Variants in PNPLA7 observed in about 807,000 individuals in gnomAD.
PNPLA7 encodes patatin like domain 7, lysophospholipase.
A neutral mutation model predicts 161.7 loss-of-function variants in PNPLA7; 153 were observed. That is an observed-to-expected ratio of 0.95 (90% CI 0.83 to 1.08). PNPLA7 has a LOEUF of 1.08. PNPLA7 is among the 50% of genes least tolerant of loss of function. The probability of loss-of-function intolerance (pLI) is 0.00; values close to 1 mark genes in which losing one functional copy is unlikely to be tolerated. For missense variants in PNPLA7, 1,739 were observed against 1,856.6 expected (o/e 0.94, Z 1.16); for synonymous variants, 809 against 782.1 (o/e 1.03, Z -0.57).
intron 4 of PNPLA7, among the ~76,000 whole-genome samples, chr9:137,545,584 T>C (rs1321046857): frequency 5.3e-5 from 8 of 152,232 alleles, no homozygotes; most frequent in African/African-American, 1.9e-4. Context: ...AAAATAAGAA[T>C]AGTTATACTA....
chr9:137,478,958 G>A, intron 24 of PNPLA7, 98 bp downstream of exon 24: 2 of 1,387,994 alleles, frequency 1.4e-6, no homozygotes, highest in South Asian at 3.0e-5. Flanking sequence ...AGGAGCGCAG[G>A]TGTCAGGGAA....
In PNPLA7 at chr9:137,480,467, G is replaced by A. The variant is rs111363287; in HGVS notation, c.2425C>T (p.Arg809Trp). ...SAALDSVHEY[R>W]LSSWLGQQED... ...TGCTGCCCCAGCCAGCTGGACAGCCGGTACTCGTGAACACTGCAGCACGCA... is the reference window on the plus strand; with the variant it reads ...TGCTGCCCCAGCCAGCTGGACAGCCAGTACTCGTGAACACTGCAGCACGCA... Residue 809 changes from arginine (R) to tryptophan (W), a missense_variant, in exon 23 of 35, where the codon CGG becomes TGG. This residue lies in a region of PNPLA7 where 192 missense variants were observed against 249.5 expected (regional missense o/e 0.77). Coordinates refer to ENST00000406427, the MANE Select transcript of PNPLA7 (RefSeq NM_001098537.3). 49 of 1,611,400 alleles carry A rather than the reference G, an allele frequency of 3.0e-5. No homozygotes were observed. The highest frequency in any genetic ancestry group is 2.8e-4 in the South Asian group (25 of 90,894).
intron 11 of PNPLA7, among the ~76,000 whole-genome samples, chr9:137,518,656 C>G (rs1163325000): frequency 4.0e-5 from 3 of 75,942 alleles, no homozygotes; most frequent in African/African-American, 1.6e-4. Context: ...CCCCCACTCA[C>G]TCATTCCACT....
chr9:137,504,746 C>T (rs752329157), intron 14 of PNPLA7, among the ~76,000 whole-genome samples: 15 of 152,212 alleles, frequency 9.9e-5, no homozygotes, highest in South Asian at 6.2e-4. Context: ...GAACTTATAA[C>T]GTGTTGGAGA....
intron 10 of PNPLA7, among the ~76,000 whole-genome samples, chr9:137,521,005 G>C (rs574108296): frequency 7.2e-4 from 109 of 151,980 alleles, no homozygotes; most frequent in Middle Eastern, 3.4e-3. Context: ...GCTGGATTCG[G>C]CTGTAGGGAC....
At position 137,522,273 on chromosome 9, in the gene PNPLA7, A is replaced by G. The variant is rs111692970; in HGVS notation, c.876+456T>C. 2.7e-3 allele frequency among the ~76,000 whole-genome samples: 413 copies of G among 151,140 alleles called. 3 individuals carry two copies. Among genetic ancestry groups the G allele is most frequent in the South Asian group, 4.4e-3 (21 of 4,814 alleles). ...GTATTTTTAGCAGAGACGGGGTTTC[A>G]CCGTGTGAGCCAGGATGGTCTCGAT... On this transcript the variant is annotated intron_variant, in intron 9 of 34. Coordinates refer to ENST00000406427, the MANE Select transcript of PNPLA7 (RefSeq NM_001098537.3).
At position 137,486,462 on chromosome 9, in the gene PNPLA7, T is replaced by A. The variant is rs1832489665; in HGVS notation, c.2198-1726A>T. Among the ~76,000 whole-genome samples, 1 of 152,030 alleles carries A rather than the reference T, an allele frequency of 6.6e-6. No homozygotes were observed. Among genetic ancestry groups the A allele is most frequent in the Admixed American group, 6.6e-5 (1 of 15,262 alleles). Reference sequence around the variant, plus strand: ...CTGCAGAGTGGTTTATAAATGTGATTCCATTATTAAATAAATACTCAAGGC... The same window carrying A: ...CTGCAGAGTGGTTTATAAATGTGATACCATTATTAAATAAATACTCAAGGC... On this transcript the variant is annotated intron_variant, in intron 20 of 34. Transcript: ENST00000406427. The surrounding 1 kb of genome is among the most constrained non-coding windows in gnomAD (Gnocchi z 6.0).
rs61747296 is a variant in PNPLA7 at position 137,497,238 on chromosome 9, A to T, written c.1962T>A (p.Asp654Glu). 1 of 1,592,714 alleles carries T rather than the reference A, an allele frequency of 6.3e-7. No homozygotes were observed. The highest frequency in any genetic ancestry group is 1.3e-5 in the African/African-American group (1 of 74,098). Residue 654 changes from aspartate (D) to glutamate (E), a missense_variant, in exon 18 of 35, where the codon GAT becomes GAA. By Grantham distance (45) the Asp-to-Glu change is conservative. Coordinates refer to ENST00000406427, the MANE Select transcript of PNPLA7 (RefSeq NM_001098537.3). ...ACTCCCCGGCCAGGCGCTTCTTCCC[A>T]TCATCCTTCCGGATCACAGAGCGCA... ...GRLRSVIRKD[D>E]GKKRLAGEYG...
In PNPLA7 at chr9:137,461,414, G is replaced by A. The variant is rs545646458; in HGVS notation, c.3841+122C>T. The A allele has an allele frequency of 5.5e-6, 6 of 1,093,718 alleles. No homozygotes were observed. The East Asian group carries it at 1.6e-4, about 29-fold the overall frequency. 67.8% of individuals were successfully genotyped at this position (1,093,718 alleles called of 1,614,324 possible). A position where few individuals can be genotyped will look rare whatever the true frequency, so the allele number is the denominator to read the frequency against. On this transcript the variant is annotated intron_variant, in intron 33 of 34. Coordinates refer to ENST00000406427, the MANE Select transcript of PNPLA7 (RefSeq NM_001098537.3). ...GCCACCAAGCACCCCAGCTGCTGGA[G>A]CCTGGGCGTGGACGTGGGCGGGAGG... is the stretch of plus-strand genomic sequence containing the variant.
In PNPLA7 at chr9:137,540,680, T is replaced by C; in HGVS notation, c.709A>G (p.Ser237Gly). ...AGGATGCTGAGCAGGCTGTGGACGCTGTCTCCCGCCAGAACCTCTTTCACC... is the reference window on the plus strand; with the variant it reads ...AGGATGCTGAGCAGGCTGTGGACGCCGTCTCCCGCCAGAACCTCTTTCACC... ...VVVKEVLAGD[S>G]VHSLLSILDI... The change falls in exon 8 of 35, where the codon AGC (serine) becomes GGC (glycine). Residue 237 changes from serine to glycine, a missense_variant. Transcript: ENST00000406427. The surrounding 1 kb of genome is among the most constrained non-coding windows in gnomAD (Gnocchi z 5.1). 6.2e-7 allele frequency: 1 copy of C among 1,612,168 alleles called. No individual in the cohort carries two copies. The highest frequency in any genetic ancestry group is 8.5e-7 in the Non-Finnish European group (1 of 1,179,462).
chr9:137,546,982 ACAGT>A, intron 3 of PNPLA7, 73 bp from the exon 4 acceptor site: 1 of 1,411,184 alleles, frequency 7.1e-7, no homozygotes, highest in Non-Finnish European at 1.0e-6. Context: ...CAGGTGCAGC[ACAGT>A]CAGTCATACT....
At position 137,500,889 on chromosome 9, in the gene PNPLA7, C is replaced by T; in HGVS notation, c.1559G>A (p.Ser520Asn). 1.3e-6 allele frequency: 2 copies of T among 1,568,772 alleles called. No individual in the cohort carries two copies. The highest frequency in any genetic ancestry group is 1.7e-6 in the Non-Finnish European group (2 of 1,160,998). Residue 520 changes from serine (S) to asparagine (N), a missense_variant, in exon 16 of 35, where the codon AGC (serine) becomes AAC (asparagine). This residue lies in a region of PNPLA7 where 481 missense variants were observed against 450.0 expected (regional missense o/e 1.07). Transcript: ENST00000406427. This position sits in a 1 kb window ranked among gnomAD's most constrained non-coding sequence, Gnocchi z 5.5. ...CAGCCCCGAGACCACGAACAGGATGCTGGCGTCCTGACACACGAGAGGGCT... is the reference window on the plus strand; with the variant it reads ...CAGCCCCGAGACCACGAACAGGATGTTGGCGTCCTGACACACGAGAGGGCT... ...VVSRQGDQDASILFVVSGLLH... is the reference protein window; with the variant it reads ...VVSRQGDQDANILFVVSGLLH...
At chr9:137,545,800 C>A (rs183864067) in intron 4 of PNPLA7, among the ~76,000 whole-genome samples, 11 of 152,328 alleles carry the variant, frequency 7.2e-5, no homozygotes, top group African/African-American at 2.4e-4. Flanking sequence ...CGGACAGGGC[C>A]ACCAGAGGGC....
intron 8 of PNPLA7, among the ~76,000 whole-genome samples, chr9:137,527,941 T>C (rs1206206860): frequency 6.6e-6 from 1 of 152,250 alleles, no homozygotes; most frequent in Non-Finnish European, 1.5e-5. Flanking sequence ...GTAGTAGCCA[T>C]TCAGATAATC....
In PNPLA7 at chr9:137,478,047, C is replaced by G; in HGVS notation, c.2869G>C (p.Gly957Arg). The G allele has an allele frequency of 7.0e-7, 1 of 1,432,920 alleles. No individual in the cohort carries two copies. The highest frequency in any genetic ancestry group is 2.7e-5 in the Admixed American group (1 of 37,042). 88.8% of individuals were successfully genotyped at this position (1,432,920 alleles called of 1,614,324 possible). A position where few individuals can be genotyped will look rare whatever the true frequency, so the allele number is the denominator to read the frequency against. ...GGGGGGACTCACCTTGCTCCCCCTC[C>G]CCCAAGCACCAGGGCAATGGCGTTG... ...TGNAIALVLG[G>R]GGARGCAQVG... Residue 957 changes from glycine to arginine, a missense_variant, in exon 25 of 35, where the codon GGA becomes CGA. By Grantham distance (125) the Gly-to-Arg change is moderately radical. This residue lies in a region of PNPLA7 where 703 missense variants were observed against 694.6 expected (regional missense o/e 1.01). Coordinates refer to ENST00000406427, the MANE Select transcript of PNPLA7 (RefSeq NM_001098537.3).
chr9:137,464,695 T>G (rs1831384292), intron 26 of PNPLA7: 5 of 540,154 alleles, frequency 9.3e-6, no homozygotes, highest in Non-Finnish European at 1.3e-5. Flanking sequence ...TCCTGATCCC[T>G]AAGCCCTCGC....
At chr9:137,529,048 A>G (rs1229081637) in intron 8 of PNPLA7, among the ~76,000 whole-genome samples, 1 of 152,026 alleles carries the variant, frequency 6.6e-6, no homozygotes, top group African/African-American at 2.4e-5. Context: ...CCTGAGCTAT[A>G]CTACAGCAGC....
intron 15 of PNPLA7, 111 bp from the exon 16 acceptor site, chr9:137,501,007 C>T (rs752145581): frequency 2.0e-5 from 18 of 908,806 alleles, no homozygotes; most frequent in African/African-American, 8.3e-5. Flanking sequence ...GACCATCCGC[C>T]GACCTGATCA....
In PNPLA7 at chr9:137,460,616, C is replaced by T. The variant is rs770680052; in HGVS notation, c.3945+18G>A. Reference sequence around the variant, plus strand: ...GCTCAGCTGTGGGCACCAGGTGGGACCATGCCCAGCTCCTCACCAAGTCTG... The same window carrying T: ...GCTCAGCTGTGGGCACCAGGTGGGATCATGCCCAGCTCCTCACCAAGTCTG... On this transcript the variant is annotated intron_variant, in intron 34 of 34. Coordinates refer to ENST00000406427, the MANE Select transcript of PNPLA7 (RefSeq NM_001098537.3). 6.8e-6 allele frequency: 11 copies of T among 1,607,554 alleles called. No homozygotes were observed. In the Middle Eastern group the frequency reaches 5.0e-4, roughly 73 times the overall value.
Sources: allele counts gnomAD v4.1 joint callset (sites outside exome capture counted in the v4.1 genomes callset), GRCh38; gene constraint gnomAD v4.1.1; regional missense constraint gnomAD v4.1.1; non-coding constraint Gnocchi (gnomAD v3.1); transcripts MANE v1.5; gene names NCBI Gene and HGNC (gene_info 2026-07-23, HGNC 2026-07-21).